The following WDFY2 variants were observed in gnomAD, a reference collection of about 807,000 sequenced individuals.
The protein encoded by WDFY2 is WD repeat and FYVE domain-containing protein 2.
WDFY2 carries 36 observed loss-of-function variants against 56.4 expected under a neutral mutation model. The observed-to-expected ratio is 0.64, with a 90% CI of 0.49 to 0.84. The LOEUF (loss-of-function observed/expected upper bound fraction) is 0.84. Ranked by LOEUF, WDFY2 falls within the 40% of genes least tolerant of loss-of-function variation. The probability of loss-of-function intolerance (pLI) is 0.00; values close to 1 mark genes in which losing one functional copy is unlikely to be tolerated. For missense variants in WDFY2, 444 were observed against 512.2 expected (o/e 0.87, Z 1.29); for synonymous variants, 176 against 183.7 (o/e 0.96, Z 0.34).
rs147972535 is a variant in WDFY2, at chr13:51,637,603, C to G, written c.138-22993C>G. Among the ~76,000 whole-genome samples the G allele has an allele frequency of 1.3e-3, 201 of 152,174 alleles. 1 individual carries two copies. The highest frequency in any genetic ancestry group is 4.7e-3 in the African/African-American group (195 of 41,522). On this transcript the variant is annotated intron_variant, in intron 1 of 11. Coordinates refer to ENST00000298125, the MANE Select transcript of WDFY2 (RefSeq NM_052950.4). ...CTTGGATCTCTTGCAAGAAAGAATT[C>G]AGGGTGAGTCCACAGTGCAAAGCAA...
intron 1 of WDFY2, chr13:51,598,631 A>G (rs1358903689): frequency 6.6e-6 from 1 of 152,178 alleles, no homozygotes; most frequent in Non-Finnish European, 1.5e-5. Context: ...AATCACTGTA[A>G]TAGGACTATG....
intron 6 of WDFY2, among the ~76,000 whole-genome samples, chr13:51,737,119 C>T (rs1952854092): frequency 6.6e-6 from 1 of 152,108 alleles, no homozygotes; most frequent in African/African-American, 2.4e-5. Flanking sequence ...TCAAGTGAGA[C>T]CATCTCAGAG....
At chr13:51,614,186 C>CAA (rs771044291) in intron 1 of WDFY2, among the ~76,000 whole-genome samples, 289 of 60,452 alleles carry the variant, frequency 4.8e-3, no homozygotes, top group East Asian at 0.011. Flanking sequence ...ACTCGGTCTC[C>CAA]AAAAAAAAAA....
At chr13:51,709,324 T>C (rs1952157704) in intron 4 of WDFY2, among the ~76,000 whole-genome samples, 1 of 152,226 alleles carries the variant, frequency 6.6e-6, no homozygotes, top group Non-Finnish European at 1.5e-5. Context: ...GTATGTTCTC[T>C]GATCAAAATG....
intron 1 of WDFY2, among the ~76,000 whole-genome samples, chr13:51,611,319 T>G (rs1385109908): frequency 6.6e-6 from 1 of 152,208 alleles, no homozygotes; most frequent in Non-Finnish European, 1.5e-5. Context: ...ATAGTCACAG[T>G]TTTTCAAAAC....
intron 2 of WDFY2, among the ~76,000 whole-genome samples, chr13:51,664,187 A>G (rs924447684): frequency 2.0e-5 from 3 of 152,198 alleles, no homozygotes; most frequent in African/African-American, 4.8e-5. Context: ...GAGAAAGAAG[A>G]GCAGACGCAT....
intron 4 of WDFY2, 22 bp from the exon 5 acceptor site, chr13:51,719,174 GTT>G (rs1240572739): frequency 6.2e-7 from 1 of 1,613,458 alleles, no homozygotes; most frequent in Non-Finnish European, 8.5e-7. Flanking sequence ...TTTATAGGTT[GTT>G]TTCTTTTCTC....
Position 51,761,450 on chromosome 13 carries a change from G to A in WDFY2, c.*1681G>A, listed in dbSNP as rs1953579724. The A allele has an allele frequency of 6.6e-6, 1 of 152,140 alleles. No individual in the cohort carries two copies. The highest frequency in any genetic ancestry group is 2.1e-4 in the South Asian group (1 of 4,816). 9.4% of individuals were successfully genotyped at this position (152,140 alleles called of 1,614,324 possible). The stretch of plus-strand genomic sequence containing the variant: ...ACAGCTCATTCAACCTCACGTGTCG[G>A]GAGCATCAGGGAGCTCACCAGTCTC... On this transcript the variant is annotated 3_prime_UTR_variant, in exon 12 of 12. Coordinates refer to ENST00000298125, the MANE Select transcript of WDFY2 (RefSeq NM_052950.4).
chr13:51,640,311 G>T (rs1432729750), intron 1 of WDFY2, among the ~76,000 whole-genome samples: 5 of 152,132 alleles, frequency 3.3e-5, no homozygotes, highest in African/African-American at 4.8e-5. Flanking sequence ...ACAGTTTCTT[G>T]TGGGCAATTT....
intron 3 of WDFY2, among the ~76,000 whole-genome samples, chr13:51,691,485 T>G (rs1566129887): frequency 1.3e-5 from 2 of 151,076 alleles, no homozygotes; most frequent in African/African-American, 4.9e-5. Flanking sequence ...TTTCTCAGGT[T>G]TGTCAAAGAT....
In WDFY2 at chr13:51,634,025, CT is replaced by C. The variant is rs545804948; in HGVS notation, c.138-26568del. 1.1e-4 allele frequency among the ~76,000 whole-genome samples: 16 copies of C among 152,180 alleles called. No homozygotes were observed. In the South Asian group the frequency reaches 3.1e-3, roughly 30 times the overall value. On this transcript the variant is annotated intron_variant, in intron 1 of 11. Transcript: ENST00000298125. ...GTTGCCTGGGTTTGAATTCTGGCTCCTTTGATTAATTTCTAAGAGGTTAAAT... is the reference window on the plus strand; with the variant it reads ...GTTGCCTGGGTTTGAATTCTGGCTCCTTGATTAATTTCTAAGAGGTTAAAT...
chr13:51,753,414 G>T (rs1002053109), intron 8 of WDFY2, among the ~76,000 whole-genome samples: 1 of 152,128 alleles, frequency 6.6e-6, no homozygotes, highest in Non-Finnish European at 1.5e-5. Flanking sequence ...TTTTTGTTTT[G>T]TTAACTTTTA....
intron 3 of WDFY2, among the ~76,000 whole-genome samples, chr13:51,686,865 T>TC (rs1377456859): frequency 6.6e-6 from 1 of 151,940 alleles, no homozygotes; most frequent in African/African-American, 2.4e-5. Flanking sequence ...TCTTTTTTTT[T>TC]CTTTTATTAT....
chr13:51,745,738 T>TA (rs34880965), intron 7 of WDFY2, among the ~76,000 whole-genome samples: 1,268 of 86,310 alleles, frequency 0.015, 42 homozygotes, highest in African/African-American at 0.041. Context: ...ATCCTTCATT[T>TA]AAAAAAAAAA....
chr13:51,747,025 G>A (rs528873882), intron 7 of WDFY2, among the ~76,000 whole-genome samples: 15 of 152,354 alleles, frequency 9.8e-5, no homozygotes, highest in Admixed American at 9.8e-4. Flanking sequence ...TCAGCTCAGC[G>A]GCCTGTGCCA....
rs983509686 is a variant in WDFY2 at position 51,703,540 on chromosome 13, A to G, written c.280-56A>G. 4.6e-6 allele frequency: 6 copies of G among 1,314,738 alleles called. No homozygotes were observed. In the African/African-American group the frequency reaches 7.4e-5, roughly 16 times the overall value. The allele number at this position is 1,314,738 out of a possible 1,614,324, so 81.4% of individuals were successfully genotyped here. ...TTTATTCAGTCTGGTTTTACCAAATATAGTCATTCACTTAAAGAATTTATT... is the reference window on the plus strand; with the variant it reads ...TTTATTCAGTCTGGTTTTACCAAATGTAGTCATTCACTTAAAGAATTTATT... On this transcript the variant is annotated intron_variant, in intron 3 of 11. Transcript: ENST00000298125.
At chr13:51,585,605 A>C (rs1953921798) in intron 1 of WDFY2, among the ~76,000 whole-genome samples, 2 of 152,254 alleles carry the variant, frequency 1.3e-5, no homozygotes, top group Non-Finnish European at 2.9e-5. Flanking sequence ...TTGAATATGC[A>C]GGAATAAAGC....
In WDFY2 at chr13:51,584,696, G is replaced by T. The variant is rs779624222; in HGVS notation, c.9G>T (p.Ala3=). The T allele has an allele frequency of 2.4e-5, 38 of 1,611,846 alleles. No individual in the cohort carries two copies. The South Asian group carries it at 4.0e-4, about 17-fold the overall frequency. ...GCGCGCCCCCTCCTCCGATGGCGGCGGAGATCCAGCCCAAGCCTCTGACCC... is the reference window on the plus strand; with the variant it reads ...GCGCGCCCCCTCCTCCGATGGCGGCTGAGATCCAGCCCAAGCCTCTGACCC... MA[A]EIQPKPLTRK... The change falls in exon 1 of 12, where the codon GCG becomes GCT. Residue 3 remains alanine (A), a synonymous_variant. Coordinates refer to ENST00000298125, the MANE Select transcript of WDFY2 (RefSeq NM_052950.4).
chr13:51,595,068 CT>C (rs1954120389), intron 1 of WDFY2, among the ~76,000 whole-genome samples: 1 of 152,190 alleles, frequency 6.6e-6, no homozygotes. Context: ...TATACCACCA[CT>C]TTCCAAATTT....
Sources: gnomAD v4.1 joint callset for allele counts (sites outside exome capture counted in the v4.1 genomes callset) on GRCh38, gnomAD v4.1.1 for gene constraint, MANE v1.5 for transcripts, NCBI Gene and HGNC (gene_info 2026-07-23, HGNC 2026-07-21) for gene names.